Variants in FMNL1 observed in about 807,000 individuals in gnomAD.
The protein encoded by FMNL1 is formin-like protein 1.
Under a neutral mutation model 121.3 loss-of-function variants are expected in FMNL1, and 43 were observed. That is an observed-to-expected ratio of 0.35 (90% CI 0.28 to 0.46). FMNL1 has a LOEUF of 0.46. Among genes scored for constraint, FMNL1 ranks in the 20% least tolerant of loss-of-function variants. FMNL1 has a pLI of 1.00. For synonymous variants in FMNL1, 613 were observed against 613.5 expected, an observed-to-expected ratio of 1.00 and a Z score of 0.01; for missense variants, 1,191 against 1,482.4, an observed-to-expected ratio of 0.80 and a Z score of 3.23.
At chr17:45,244,725 T>C in intron 19 of FMNL1, 94 bp from the exon 20 acceptor site, 1 of 1,342,862 alleles carries the variant, frequency 7.4e-7, no homozygotes, top group Non-Finnish European at 1.0e-6. Flanking sequence ...GTGTGGGGCC[T>C]GCTCCTTGCC....
At chr17:45,236,472 G>A in intron 7 of FMNL1, 1 of 374,348 alleles carries the variant, frequency 2.7e-6, no homozygotes. Context: ...GCCCATGGCT[G>A]GGCATGAAGG....
chr17:45,242,062 G>C lies in FMNL1; in HGVS notation c.1801G>C (p.Val601Leu), dbSNP rs1424854837. The change falls in exon 15 of 27, where the codon GTG (valine) becomes CTG (leucine). Residue 601 changes from valine (V) to leucine (L), a missense_variant. Around this residue, in one of 4 missense-constraint regions of FMNL1, gnomAD observed 519 missense variants for 492.8 expected, o/e 1.05. Coordinates refer to ENST00000331495, the MANE Select transcript of FMNL1 (RefSeq NM_005892.4). Reference sequence around the variant, plus strand: ...ACCACCTCCGGGCACTGACGGGCCGGTGCCTCCGCCGCCGCCGCCGCCGCC... The same window carrying C: ...ACCACCTCCGGGCACTGACGGGCCGCTGCCTCCGCCGCCGCCGCCGCCGCC... ...PPPPPGTDGP[V>L]PPPPPPPPPP... 2.0e-6 allele frequency: 3 copies of C among 1,495,104 alleles called. No homozygotes were observed. Among genetic ancestry groups the C allele is most frequent in the Middle Eastern group, 1.9e-4 (1 of 5,358 alleles). 92.6% of individuals were successfully genotyped at this position (1,495,104 alleles called of 1,614,324 possible).
rs764258919 is a variant in FMNL1, at chr17:45,241,248, GGTA to G, written c.1332+20_1332+22del. ...CCCTGCGGGTGAGGCTGGGGCGGGT[GGTA>G]GGCCAGGCGCCCAAGAACAGGCCAG... On this transcript the variant is annotated intron_variant, in intron 13 of 26. Transcript: ENST00000331495. The surrounding 1 kb of genome is among the most constrained non-coding windows in gnomAD (Gnocchi z 7.0). The G allele has an allele frequency of 1.5e-5, 25 of 1,613,774 alleles. No homozygotes were observed. In the South Asian group the frequency reaches 2.7e-4, roughly 18 times the overall value.
chr17:45,228,862 T>A (rs1375499007), intron 1 of FMNL1, among the ~76,000 whole-genome samples: 4 of 152,140 alleles, frequency 2.6e-5, no homozygotes. Flanking sequence ...GGCTCCAGTT[T>A]CCCTGGCACT....
chr17:45,221,904 G>C lies in FMNL1; in HGVS notation c.-221G>C, dbSNP rs1166170289. On this transcript the variant is annotated 5_prime_UTR_variant, in exon 1 of 27. Coordinates refer to ENST00000331495, the MANE Select transcript of FMNL1 (RefSeq NM_005892.4). The stretch of plus-strand genomic sequence containing the variant: ...CAGCCTGACTTCCTCCCCCAACCCT[G>C]CAGCTCGCCGCCCGGTCCCACGGAC... 6.0e-6 allele frequency: 2 copies of C among 333,600 alleles called. No homozygotes were observed. Among genetic ancestry groups the C allele is most frequent in the Non-Finnish European group, 1.1e-5 (2 of 185,234 alleles). The allele number at this position is 333,600 out of a possible 1,614,324, so 20.7% of individuals were successfully genotyped here.
At position 45,233,813 on chromosome 17, in the gene FMNL1, C is replaced by A; in HGVS notation, c.485+82C>A. On this transcript the variant is annotated intron_variant, in intron 5 of 26. Transcript: ENST00000331495. The surrounding 1 kb of genome is among the most constrained non-coding windows in gnomAD (Gnocchi z 4.1). Reference sequence around the variant, plus strand: ...CCTGCATCTCACCCACTCCCCTGGCCAGTTTCAAGCCAGGCAGCCCGAGCC... The same window carrying A: ...CCTGCATCTCACCCACTCCCCTGGCAAGTTTCAAGCCAGGCAGCCCGAGCC... 6.4e-7 allele frequency: 1 copy of A among 1,554,232 alleles called. No homozygotes were observed.
intron 15 of FMNL1, 78 bp from the exon 16 acceptor site, chr17:45,242,252 TCCTGGCTGCCC>T: frequency 6.3e-7 from 1 of 1,580,602 alleles, no homozygotes; most frequent in East Asian, 2.3e-5. Context: ...TCCTGCTGCC[TCCTGGCTGCCC>T]CATCAGCCCT....
rs144924237 is a variant in FMNL1, at chr17:45,239,250, T to C, written c.1080+185T>C. On this transcript the variant is annotated intron_variant, in intron 11 of 26. Coordinates refer to ENST00000331495, the MANE Select transcript of FMNL1 (RefSeq NM_005892.4). ...AGTGTCAGTTTTGCCATCTGTGAAA[T>C]AGGAGAATCATAGAAGATAATCTTG... The C allele has an allele frequency of 3.8e-4, 227 of 601,314 alleles. 1 individual carries two copies. The East Asian group carries it at 4.2e-3, about 11-fold the overall frequency. The allele number at this position is 601,314 out of a possible 1,614,324, so 37.2% of individuals were successfully genotyped here.
chr17:45,234,853 CG>C (rs1179715470), intron 6 of FMNL1: 1 of 154,256 alleles, frequency 6.5e-6, no homozygotes, highest in African/African-American at 2.4e-5. Flanking sequence ...CTCCCCGGTA[CG>C]TAGCCATCTA....
chr17:45,230,684 T>C lies in FMNL1; in HGVS notation c.210T>C (p.Asp70=), dbSNP rs2043419468. The C allele has an allele frequency of 7.4e-6, 12 of 1,613,580 alleles. No homozygotes were observed. The highest frequency in any genetic ancestry group is 1.1e-5 in the South Asian group (1 of 91,080). The change falls in exon 2 of 27, where the codon GAT becomes GAC. Residue 70 remains aspartate, a synonymous_variant. Coordinates refer to ENST00000331495, the MANE Select transcript of FMNL1 (RefSeq NM_005892.4). ...DNEKKWELIC[D]QERFQVKNPP... ...AGAAGAAGTGGGAGCTCATCTGTGA[T>C]CAGGTAGGTGCCAGCACTGCCCAGC...
chr17:45,227,974 C>G (rs970473072), intron 1 of FMNL1, among the ~76,000 whole-genome samples: 7 of 152,122 alleles, frequency 4.6e-5, no homozygotes, highest in Admixed American at 2.0e-4. Flanking sequence ...AGGCAGGTAT[C>G]CCGCCCACCT....
chr17:45,240,300 G>C (rs1057224726), intron 11 of FMNL1, 176 bp from the exon 12 acceptor site: 1 of 589,590 alleles, frequency 1.7e-6, no homozygotes, highest in East Asian at 3.3e-5. Flanking sequence ...TGACTGAATT[G>C]TACACTTTAA....
At chr17:45,235,477 G>A (rs2043530307) in intron 6 of FMNL1, among the ~76,000 whole-genome samples, 1 of 152,224 alleles carries the variant, frequency 6.6e-6, no homozygotes, top group South Asian at 2.1e-4. Flanking sequence ...GCAGGAGGGG[G>A]TGAAGGCGGG....
chr17:45,238,313 A>G (rs1176291903), intron 9 of FMNL1: 9 of 433,826 alleles, frequency 2.1e-5, no homozygotes, highest in Non-Finnish European at 3.8e-5. Flanking sequence ...GAGTGAGGGC[A>G]CTCCAGGGAG....
Position 45,240,542 on chromosome 17 carries a change from G to C in FMNL1, c.1147G>C (p.Asp383His). ...CCAGGCGTACCTGGACAATATTTTTGATGTGGGGGCGCTGCTGGAGGACAC... is the reference window on the plus strand; with the variant it reads ...CCAGGCGTACCTGGACAATATTTTTCATGTGGGGGCGCTGCTGGAGGACAC... ...QIQAYLDNIF[D>H]VGALLEDTET... Residue 383 changes from aspartate to histidine, a missense_variant, in exon 12 of 27, where the codon GAT becomes CAT. Asp to His is a moderately conservative substitution (Grantham distance 81). Around this residue, in one of 4 missense-constraint regions of FMNL1, gnomAD observed 519 missense variants for 492.8 expected, o/e 1.05. Transcript: ENST00000331495. 4 of 1,613,876 alleles carry C rather than the reference G, an allele frequency of 2.5e-6. No homozygotes were observed. Among genetic ancestry groups the C allele is most frequent in the Non-Finnish European group, 3.4e-6 (4 of 1,179,956 alleles).
chr17:45,223,524 T>G lies in FMNL1; in HGVS notation c.129+1271T>G, dbSNP rs1598174884. ...TCCTTGTGAAGACACCTTGCTTGATTAGAGGAGGGCAGGGACACTGAGGGA... is the reference window on the plus strand; with the variant it reads ...TCCTTGTGAAGACACCTTGCTTGATGAGAGGAGGGCAGGGACACTGAGGGA... On this transcript the variant is annotated intron_variant, in intron 1 of 26. Coordinates refer to ENST00000331495, the MANE Select transcript of FMNL1 (RefSeq NM_005892.4). Among the ~76,000 whole-genome samples, 4 of 152,144 alleles carry G rather than the reference T, an allele frequency of 2.6e-5. No homozygotes were observed. In the South Asian group the frequency reaches 6.2e-4, roughly 24 times the overall value.
At chr17:45,235,986 T>TGCCC in intron 6 of FMNL1, 150 bp from the exon 7 acceptor site, 1 of 639,362 alleles carries the variant, frequency 1.6e-6, no homozygotes, top group South Asian at 1.9e-5. Context: ...GAAGCCTGCC[T>TGCCC]GCCCTCAGCC....
In FMNL1 at chr17:45,244,081, C is replaced by T. The variant is rs187093376; in HGVS notation, c.2448+56C>T. ...TTGGGAGGGGATGGGCAGGAGGCAA[C>T]TCCCAGCCTGGGCTGCGGCAGGGAA... On this transcript the variant is annotated intron_variant, in intron 18 of 26. Coordinates refer to ENST00000331495, the MANE Select transcript of FMNL1 (RefSeq NM_005892.4). 3.2e-3 allele frequency: 5,189 copies of T among 1,600,660 alleles called. 50 individuals carry two copies. The highest frequency in any genetic ancestry group is 2.5e-3 in the Non-Finnish European group (2,966 of 1,173,212).
chr17:45,241,328 C>G lies in FMNL1; in HGVS notation c.1333-54C>G. ...CTCCACCCCGGGAAGAAGATGGAGG[C>G]TTGGTGCCAAGGAGCCTGCTGGTGG... On this transcript the variant is annotated intron_variant, in intron 13 of 26. Transcript: ENST00000331495. The surrounding 1 kb of genome is among the most constrained non-coding windows in gnomAD (Gnocchi z 7.0). The G allele has an allele frequency of 3.8e-6, 6 of 1,594,150 alleles. No homozygotes were observed. Among genetic ancestry groups the G allele is most frequent in the Non-Finnish European group, 5.1e-6 (6 of 1,170,170 alleles).
Sources: allele counts gnomAD v4.1 joint callset (sites outside exome capture counted in the v4.1 genomes callset), GRCh38; gene constraint gnomAD v4.1.1; regional missense constraint gnomAD v4.1.1; non-coding constraint Gnocchi (gnomAD v3.1); transcripts MANE v1.5; gene names NCBI Gene and HGNC (gene_info 2026-07-23, HGNC 2026-07-21).